IDNK: variants seen among roughly 807,000 people sequenced by gnomAD.
The protein encoded by IDNK is IDNK gluconokinase, also known as gluconokinase.
IDNK carries 9 observed loss-of-function variants against 13.0 expected under a neutral mutation model. The observed-to-expected ratio is 0.69, with a 90% CI of 0.42 to 1.21. The LOEUF (loss-of-function observed/expected upper bound fraction) is 1.21. Ranked by LOEUF, IDNK falls within the 50% of genes most tolerant of loss-of-function variation. IDNK has a pLI of 0.00. For missense variants in IDNK, 210 were observed against 237.8 expected, an observed-to-expected ratio of 0.88 and a Z score of 0.77; for synonymous variants, 92 against 94.9, an observed-to-expected ratio of 0.97 and a Z score of 0.18.
intron 1 of IDNK, 107 bp downstream of exon 1, chr9:83,623,328 C>T: frequency 9.7e-7 from 1 of 1,032,336 alleles, no homozygotes; most frequent in Non-Finnish European, 1.3e-6. Context: ...GGGGACCCCC[C>T]ACCCTTCCCT....
At chr9:83,642,144 G>A (rs1023610026) in intron 4 of IDNK, among the ~76,000 whole-genome samples, 2 of 146,054 alleles carry the variant, frequency 1.4e-5, no homozygotes, top group African/African-American at 5.1e-5. Flanking sequence ...GCATGCCCCT[G>A]AGCGAACAGG....
intron 3 of IDNK, among the ~76,000 whole-genome samples, chr9:83,629,393 A>G (rs1282450271): frequency 1.3e-5 from 2 of 152,028 alleles, no homozygotes; most frequent in African/African-American, 4.8e-5. Flanking sequence ...TCTGCCTGTG[A>G]CCCTTTAGAG....
intron 1 of IDNK, chr9:83,626,607 G>T (rs1228785053): frequency 6.6e-6 from 5 of 760,088 alleles, no homozygotes; most frequent in Non-Finnish European, 9.8e-6. Context: ...AGTTGAGACG[G>T]GGTTTTGCCA....
Position 83,628,580 on chromosome 9 carries a change from A to G in IDNK, c.82-293A>G, listed in dbSNP as rs141270954. On this transcript the variant is annotated intron_variant, in intron 2 of 4. Coordinates refer to ENST00000376419, the MANE Select transcript of IDNK (RefSeq NM_001001551.4). Reference sequence around the variant, plus strand: ...GGCAGGGGAATCACTTGAACCCGGGAGGTGGAGGTTGCAGTGAGACAAGAT... The same window carrying G: ...GGCAGGGGAATCACTTGAACCCGGGGGGTGGAGGTTGCAGTGAGACAAGAT... 8.2e-3 allele frequency among the ~76,000 whole-genome samples: 1,242 copies of G among 151,442 alleles called. 33 individuals are homozygous for G. Among genetic ancestry groups the G allele is most frequent in the East Asian group, 0.046 (235 of 5,084 alleles).
intron 1 of IDNK, 94 bp downstream of exon 1, chr9:83,623,315 C>A: frequency 8.7e-7 from 1 of 1,149,404 alleles, no homozygotes; most frequent in Non-Finnish European, 1.2e-6. Context: ...GGACTGGGGT[C>A]TTGGGGACCC....
intron 1 of IDNK, among the ~76,000 whole-genome samples, chr9:83,624,476 T>C (rs1458672958): frequency 6.6e-6 from 1 of 152,172 alleles, no homozygotes; most frequent in Non-Finnish European, 1.5e-5. Flanking sequence ...CATTCTGGTA[T>C]GGGAGACAGA....
At chr9:83,629,665 G>A (rs1830958950) in intron 3 of IDNK, among the ~76,000 whole-genome samples, 1 of 152,208 alleles carries the variant, frequency 6.6e-6, no homozygotes, top group Admixed American at 6.5e-5. Context: ...AAACCTCCAT[G>A]ATGGACTCTC....
chr9:83,638,950 G>A (rs757096319), intron 3 of IDNK, among the ~76,000 whole-genome samples: 4 of 152,108 alleles, frequency 2.6e-5, no homozygotes, highest in African/African-American at 4.8e-5. Context: ...TAGAAGATTT[G>A]AATAAATGCA....
chr9:83,623,374 G>T, intron 1 of IDNK, 153 bp downstream of exon 1: 2 of 723,498 alleles, frequency 2.8e-6, no homozygotes, highest in South Asian at 1.8e-5. Flanking sequence ...CGGCTGCCGC[G>T]CCCTCTCCCC....
At chr9:83,641,777 A>G (rs1433173387) in intron 4 of IDNK, among the ~76,000 whole-genome samples, 186 bp downstream of exon 4, 1 of 152,274 alleles carries the variant, frequency 6.6e-6, no homozygotes, top group African/African-American at 2.4e-5. Flanking sequence ...CATGGAGTTT[A>G]GTCGGGCTCT....
At chr9:83,626,794 T>A (rs181266719) in intron 1 of IDNK, 2 of 1,163,990 alleles carry the variant, frequency 1.7e-6, no homozygotes, top group African/African-American at 3.3e-5. Context: ...GATGGTCTAC[T>A]CATCCGTAGG....
In IDNK at chr9:83,623,301, C is replaced by T. The variant is rs570114655; in HGVS notation, c.50+80C>T. 483 of 1,255,342 alleles carry T rather than the reference C, an allele frequency of 3.8e-4. 3 individuals are homozygous for T. The African/African-American group carries it at 7.4e-3, about 19-fold the overall frequency. 77.8% of individuals were successfully genotyped at this position (1,255,342 alleles called of 1,614,324 possible). A position where few individuals can be genotyped will look rare whatever the true frequency, so the allele number is the denominator to read the frequency against. ...AGGCCGGACGCGTCGCCGTCCCTGCCGGTGGACTGGGGTCTTGGGGACCCC... is the reference window on the plus strand; with the variant it reads ...AGGCCGGACGCGTCGCCGTCCCTGCTGGTGGACTGGGGTCTTGGGGACCCC... On this transcript the variant is annotated intron_variant, in intron 1 of 4. Coordinates refer to ENST00000376419, the MANE Select transcript of IDNK (RefSeq NM_001001551.4).
intron 3 of IDNK, among the ~76,000 whole-genome samples, chr9:83,630,320 A>G (rs1830976088): frequency 6.6e-6 from 1 of 152,190 alleles, no homozygotes; most frequent in South Asian, 2.1e-4. Context: ...AGTAATAATA[A>G]TGAGAGTAAT....
intron 3 of IDNK, among the ~76,000 whole-genome samples, chr9:83,633,196 G>A (rs1464668653): frequency 4.6e-5 from 7 of 152,066 alleles, no homozygotes; most frequent in African/African-American, 9.7e-5. Context: ...AAAATTAGCC[G>A]GGCGTGGTGG....
intron 3 of IDNK, among the ~76,000 whole-genome samples, chr9:83,637,900 C>T (rs1450397856): frequency 1.3e-5 from 2 of 152,112 alleles, no homozygotes; most frequent in African/African-American, 4.8e-5. Context: ...ACCCACTGAA[C>T]TCAAAAGGAG....
intron 4 of IDNK, 58 bp downstream of exon 4, chr9:83,641,649 G>A: frequency 6.4e-7 from 1 of 1,551,384 alleles, no homozygotes; most frequent in South Asian, 1.1e-5. Context: ...AAAACCCTCA[G>A]AAAAGACAGG....
chr9:83,628,239 A>C, intron 2 of IDNK, 28 bp downstream of exon 2: 1 of 1,524,458 alleles, frequency 6.6e-7, no homozygotes, highest in Non-Finnish European at 8.9e-7. Flanking sequence ...ATGCCTTCCG[A>C]GTGCTTGTCC....
intron 3 of IDNK, among the ~76,000 whole-genome samples, chr9:83,636,717 A>G (rs907975155): frequency 2.0e-5 from 3 of 152,258 alleles, no homozygotes; most frequent in Non-Finnish European, 2.9e-5. Context: ...CAGACTGTCA[A>G]CTTCTCAGTC....
At chr9:83,633,040 G>A (rs1831065613) in intron 3 of IDNK, among the ~76,000 whole-genome samples, 2 of 152,202 alleles carry the variant, frequency 1.3e-5, no homozygotes, top group Non-Finnish European at 2.9e-5. Flanking sequence ...TCCAAGGCCT[G>A]ATCAAGATTG....
Sources: gnomAD v4.1 joint callset for allele counts (sites outside exome capture counted in the v4.1 genomes callset) on GRCh38, gnomAD v4.1.1 for gene constraint, MANE v1.5 for transcripts, NCBI Gene and HGNC (gene_info 2026-07-23, HGNC 2026-07-21) for gene names.